Variants in PRKAG2 observed in about 807,000 individuals in gnomAD.
PRKAG2 encodes 5'-AMP-activated protein kinase subunit gamma-2.
In PRKAG2, 26 loss-of-function variants were observed where a neutral mutation model predicts 69.6. The ratio of observed to expected loss-of-function variants is 0.37; its 90% CI spans 0.27 to 0.52. The LOEUF is 0.52. Ranked by LOEUF, PRKAG2 falls within the 20% of genes least tolerant of loss-of-function variation. PRKAG2 has a pLI of 0.90. For synonymous variants in PRKAG2, 293 were observed against 285.0 expected, an observed-to-expected ratio of 1.03 and a Z score of -0.28; for missense variants, 557 against 740.0, an observed-to-expected ratio of 0.75 and a Z score of 2.87.
chr7:151,792,773 C>T (rs930104876), intron 1 of PRKAG2, among the ~76,000 whole-genome samples: 1 of 152,256 alleles, frequency 6.6e-6, no homozygotes, highest in Non-Finnish European at 1.5e-5. Flanking sequence ...GGAAGCAACA[C>T]ATCGAGAATG....
rs561027384 is a variant in PRKAG2 at position 151,580,204 on chromosome 7, G to A, written c.865-3752C>T. ...TCTACCAAAAATACAAAAATTAGTC[G>A]GGTGTGGTGGTGCGCACCTGTGATC... On this transcript the variant is annotated intron_variant, in intron 6 of 15. Coordinates refer to ENST00000287878, the MANE Select transcript of PRKAG2 (RefSeq NM_016203.4). Among the ~76,000 whole-genome samples the A allele has an allele frequency of 4.7e-4, 72 of 152,158 alleles. 1 individual carries two copies. The highest frequency in any genetic ancestry group is 6.2e-4 in the South Asian group (3 of 4,826).
rs1187105233 is a variant in PRKAG2, at chr7:151,565,928, C to T, written c.1234-43G>A. 26 of 1,575,950 alleles carry T rather than the reference C, an allele frequency of 1.6e-5. No individual in the cohort carries two copies. The East Asian group carries it at 4.9e-4, about 30-fold the overall frequency. ...GCAAACGTTCTAGACCCAGAACACA[C>T]TCTTGTCATGTTCAAAGGTCCAGAT... On this transcript the variant is annotated intron_variant, in intron 11 of 15. Coordinates refer to ENST00000287878, the MANE Select transcript of PRKAG2 (RefSeq NM_016203.4).
intron 1 of PRKAG2, among the ~76,000 whole-genome samples, chr7:151,830,243 C>CTA (rs374590389): frequency 2.3e-4 from 35 of 151,778 alleles, no homozygotes; most frequent in Admixed American, 9.8e-4. Context: ...CGAGAGGAAC[C>CTA]TATCTGTCCG....
intron 4 of PRKAG2, among the ~76,000 whole-genome samples, chr7:151,643,365 G>C (rs1042360709): frequency 1.3e-5 from 2 of 152,214 alleles, no homozygotes; most frequent in African/African-American, 4.8e-5. Context: ...TCACAAGGCA[G>C]TCTCTGTTTT....
At chr7:151,609,351 T>C (rs1322041939) in intron 5 of PRKAG2, among the ~76,000 whole-genome samples, 1 of 152,210 alleles carries the variant, frequency 6.6e-6, no homozygotes, top group Admixed American at 6.5e-5. Context: ...TTTGGTCTTC[T>C]TGGCCTTAAT....
At chr7:151,612,664 G>A (rs563499392) in intron 5 of PRKAG2, among the ~76,000 whole-genome samples, 4 of 152,310 alleles carry the variant, frequency 2.6e-5, no homozygotes, top group Admixed American at 6.5e-5. Flanking sequence ...TCTGACCAGC[G>A]TACCCACCTC....
intron 3 of PRKAG2, among the ~76,000 whole-genome samples, chr7:151,733,799 G>A (rs905804776): frequency 5.9e-5 from 9 of 151,752 alleles, no homozygotes; most frequent in African/African-American, 2.2e-4. Flanking sequence ...AGGCTCAAGC[G>A]ATCTTCCCAC....
chr7:151,605,978 T>C (rs1248876219), intron 5 of PRKAG2, among the ~76,000 whole-genome samples: 3 of 148,446 alleles, frequency 2.0e-5, no homozygotes, highest in Non-Finnish European at 4.4e-5. Flanking sequence ...ACCCAGGACA[T>C]GGAGGTTGCA....
At chr7:151,693,383 G>C (rs1836013184) in intron 3 of PRKAG2, among the ~76,000 whole-genome samples, 1 of 152,138 alleles carries the variant, frequency 6.6e-6, no homozygotes, top group Non-Finnish European at 1.5e-5. Context: ...TCATCCCAGA[G>C]AGGAGTTTGC....
At chr7:151,734,039 G>A (rs1179990230) in intron 3 of PRKAG2, among the ~76,000 whole-genome samples, 2 of 152,012 alleles carry the variant, frequency 1.3e-5, no homozygotes, top group Non-Finnish European at 2.9e-5. Flanking sequence ...CTCCTGAGTA[G>A]CTGGAACTCT....
At chr7:151,673,667 A>T (rs953096209) in intron 4 of PRKAG2, among the ~76,000 whole-genome samples, 1 of 152,206 alleles carries the variant, frequency 6.6e-6, no homozygotes, top group African/African-American at 2.4e-5. Context: ...ATGGCAACGC[A>T]TCTTCTCCTA....
rs796685493 is a variant in PRKAG2 at position 151,558,571 on chromosome 7, T to C, written c.1679-1339A>G. On this transcript the variant is annotated intron_variant, in intron 15 of 15. Coordinates refer to ENST00000287878, the MANE Select transcript of PRKAG2 (RefSeq NM_016203.4). ...GCCTCACGGTGGGGGCCTCCTCACT[T>C]GCGATTGTTGATCAGATGCAGGCGC... 6.6e-6 allele frequency: 6 copies of C among 915,152 alleles called. No individual in the cohort carries two copies. The African/African-American group carries it at 8.9e-5, about 14-fold the overall frequency. 56.7% of individuals were successfully genotyped at this position (915,152 alleles called of 1,614,324 possible). A position where few individuals can be genotyped will look rare whatever the true frequency, so the allele number is the denominator to read the frequency against.
intron 3 of PRKAG2, among the ~76,000 whole-genome samples, chr7:151,773,403 AAGTGGACTTCGG>A: frequency 6.6e-6 from 1 of 152,324 alleles, no homozygotes; most frequent in Middle Eastern, 3.4e-3. Context: ...CCTGGACTAA[AAGTGGACTTCGG>A]AGTTCAACCA....
chr7:151,696,730 C>T (rs541298767), intron 3 of PRKAG2, among the ~76,000 whole-genome samples: 1 of 152,184 alleles, frequency 6.6e-6, no homozygotes, highest in Non-Finnish European at 1.5e-5. Context: ...CAGGGTCAGG[C>T]CAAACCTCTC....
At chr7:151,772,613 C>T (rs2076072228) in intron 3 of PRKAG2, among the ~76,000 whole-genome samples, 2 of 152,154 alleles carry the variant, frequency 1.3e-5, no homozygotes, top group Admixed American at 1.3e-4. Flanking sequence ...GGCCTGACAT[C>T]CCAAGATTTA....
chr7:151,874,024 GATGTATATGTATATGATGTATATGT>G lies in PRKAG2; in HGVS notation c.114+2458_114+2482del, dbSNP rs1563772191. On this transcript the variant is annotated intron_variant, in intron 1 of 15. Transcript: ENST00000287878. ...TGTATATGTATAAGTATATGTATATGATGTATATGTATATGATGTATATGTATGTATATGTATATGTATATGATGT... is the reference window on the plus strand; with the variant it reads ...TGTATATGTATAAGTATATGTATATGATGTATATGTATATGTATATGATGT... Among the ~76,000 whole-genome samples, 167 of 133,000 alleles carry G rather than the reference GATGTATATGTATATGATGTATATGT, an allele frequency of 1.3e-3. 4 individuals carry two copies. Among genetic ancestry groups the G allele is most frequent in the Middle Eastern group, 4.3e-3 (1 of 230 alleles). The allele number at this position is 133,000 out of a possible 152,430, so 87.3% of individuals were successfully genotyped here.
At chr7:151,862,559 A>G (rs1195732513) in intron 1 of PRKAG2, among the ~76,000 whole-genome samples, 1 of 152,164 alleles carries the variant, frequency 6.6e-6, no homozygotes, top group Non-Finnish European at 1.5e-5. Context: ...CATTGTCAAC[A>G]TTCAGGTCGG....
At chr7:151,631,877 C>A in intron 5 of PRKAG2, 192 bp downstream of exon 5, 11 of 515,620 alleles carry the variant, frequency 2.1e-5, no homozygotes, top group South Asian at 2.0e-4. Flanking sequence ...CGCGGACGCC[C>A]GGTACCCCGC....
chr7:151,630,934 G>C (rs4726069), intron 5 of PRKAG2, among the ~76,000 whole-genome samples: 1 of 152,206 alleles, frequency 6.6e-6, no homozygotes, highest in South Asian at 2.1e-4. Flanking sequence ...TAATGACAAT[G>C]ACTATGAACG....
Sources: allele counts gnomAD v4.1 joint callset (sites outside exome capture counted in the v4.1 genomes callset), GRCh38; gene constraint gnomAD v4.1.1; transcripts MANE v1.5; gene names NCBI Gene and HGNC (gene_info 2026-07-23, HGNC 2026-07-21).